Variants in DENND1A observed in about 807,000 individuals in gnomAD.
The protein encoded by DENND1A is DENN domain-containing protein 1A.
A neutral mutation model predicts 113.7 loss-of-function variants in DENND1A; 51 were observed. The ratio of observed to expected loss-of-function variants is 0.45; its 90% CI spans 0.36 to 0.57. The LOEUF (loss-of-function observed/expected upper bound fraction) is 0.57. DENND1A is among the 20% of genes least tolerant of loss of function. DENND1A has a pLI of 0.00. For missense variants in DENND1A, 1,258 were observed against 1,395.9 expected (o/e 0.90, Z 1.57); for synonymous variants, 565 against 570.8 (o/e 0.99, Z 0.14).
At chr9:123,924,483 G>C (rs1856760402) in intron 1 of DENND1A, among the ~76,000 whole-genome samples, 1 of 151,934 alleles carries the variant, frequency 6.6e-6, no homozygotes, top group Non-Finnish European at 1.5e-5. Flanking sequence ...CCAACATGGT[G>C]AAACTAAAAA....
intron 13 of DENND1A, among the ~76,000 whole-genome samples, chr9:123,511,271 A>G (rs912533701): frequency 2.0e-5 from 3 of 152,160 alleles, no homozygotes; most frequent in Non-Finnish European, 2.9e-5. Flanking sequence ...CTGGCATCAG[A>G]AGGGTGGCTT....
At chr9:123,817,364 CG>C (rs899949100) in intron 2 of DENND1A, among the ~76,000 whole-genome samples, 4 of 152,020 alleles carry the variant, frequency 2.6e-5, no homozygotes, top group East Asian at 1.9e-4. Context: ...GTCCACACGC[CG>C]GGGGGTTTAA....
intron 14 of DENND1A, 113 bp downstream of exon 14, chr9:123,457,680 T>C (rs2048230954): frequency 2.9e-6 from 3 of 1,048,612 alleles, no homozygotes; most frequent in African/African-American, 1.6e-5. Flanking sequence ...TGAGCCTCTT[T>C]TGCCTGGGGC....
chr9:123,640,491 C>G lies in DENND1A; in HGVS notation c.619-10015G>C, dbSNP rs62579201. Among the ~76,000 whole-genome samples, 1,362 of 152,324 alleles carry G rather than the reference C, an allele frequency of 8.9e-3. 13 individuals are homozygous for G. Among genetic ancestry groups the G allele is most frequent in the Middle Eastern group, 0.034 (10 of 294 alleles). Reference sequence around the variant, plus strand: ...AATGACTAGGGAGAAGTGGTCCGTACGCAAAACCTCTTGGGAGTTGCCGTG... The same window carrying G: ...AATGACTAGGGAGAAGTGGTCCGTAGGCAAAACCTCTTGGGAGTTGCCGTG... On this transcript the variant is annotated intron_variant, in intron 9 of 23. Coordinates refer to ENST00000394215, the MANE Select transcript of DENND1A (RefSeq NM_001352964.2).
At chr9:123,670,606 A>G (rs926910656) in intron 7 of DENND1A, among the ~76,000 whole-genome samples, 1 of 152,228 alleles carries the variant, frequency 6.6e-6, no homozygotes, top group African/African-American at 2.4e-5. Flanking sequence ...ATAGCAGTAT[A>G]TATTTATAGG....
intron 19 of DENND1A, among the ~76,000 whole-genome samples, chr9:123,426,012 C>A (rs559832559): frequency 6.6e-6 from 1 of 152,196 alleles, no homozygotes; most frequent in East Asian, 1.9e-4. Context: ...GGACTCTGCC[C>A]AGGGCAGGGG....
At chr9:123,518,387 C>A (rs529798845) in intron 13 of DENND1A, among the ~76,000 whole-genome samples, 2 of 152,206 alleles carry the variant, frequency 1.3e-5, no homozygotes. Context: ...GATATTCCCA[C>A]GGAGACAGCA....
At chr9:123,532,973 A>T (rs902492763) in intron 13 of DENND1A, among the ~76,000 whole-genome samples, 4 of 152,234 alleles carry the variant, frequency 2.6e-5, no homozygotes, top group Non-Finnish European at 5.9e-5. Flanking sequence ...TAGCTTCACC[A>T]GGAGTTGGCA....
At chr9:123,701,531 G>A (rs923076374) in intron 5 of DENND1A, among the ~76,000 whole-genome samples, 5 of 152,112 alleles carry the variant, frequency 3.3e-5, no homozygotes, top group African/African-American at 1.2e-4. Context: ...ACTCCAGGCC[G>A]ACACCTGTGA....
At chr9:123,867,283 T>C (rs1402060634) in intron 2 of DENND1A, among the ~76,000 whole-genome samples, 2 of 152,172 alleles carry the variant, frequency 1.3e-5, no homozygotes, top group Non-Finnish European at 2.9e-5. Context: ...ATTTAAAACA[T>C]GAGGTCTAGT....
chr9:123,767,889 C>T (rs186042150), intron 4 of DENND1A, among the ~76,000 whole-genome samples: 19 of 152,274 alleles, frequency 1.2e-4, no homozygotes, highest in Non-Finnish European at 2.4e-4. Flanking sequence ...CTTTATTAAA[C>T]ACCTAACTGC....
intron 22 of DENND1A, among the ~76,000 whole-genome samples, chr9:123,386,909 G>T (rs988804624): frequency 1.3e-5 from 2 of 152,212 alleles, no homozygotes; most frequent in Non-Finnish European, 2.9e-5. Context: ...GGGGACATGA[G>T]GGAGAGGGAG....
chr9:123,419,441 T>C (rs2045042882), intron 19 of DENND1A, among the ~76,000 whole-genome samples: 1 of 152,254 alleles, frequency 6.6e-6, no homozygotes, highest in South Asian at 2.1e-4. Context: ...CCCAGTCAAA[T>C]ACGTGGCCAG....
intron 5 of DENND1A, among the ~76,000 whole-genome samples, chr9:123,716,398 G>A (rs2066978920): frequency 6.6e-6 from 1 of 152,162 alleles, no homozygotes; most frequent in Non-Finnish European, 1.5e-5. Context: ...CTAAAAGAGT[G>A]TTCAAAGCTT....
At chr9:123,704,810 G>A (rs765377989) in intron 5 of DENND1A, among the ~76,000 whole-genome samples, 12 of 152,068 alleles carry the variant, frequency 7.9e-5, no homozygotes, top group Non-Finnish European at 1.3e-4. Flanking sequence ...ATCACAAAAT[G>A]AAAAGATTAG....
At chr9:123,641,640 C>T (rs965825354) in intron 9 of DENND1A, among the ~76,000 whole-genome samples, 3 of 152,198 alleles carry the variant, frequency 2.0e-5, no homozygotes, top group East Asian at 3.9e-4. Flanking sequence ...AAGTGCCAGT[C>T]GGTACGCATA....
In DENND1A at chr9:123,538,855, T is replaced by TAC. The variant is rs1295090060; in HGVS notation, c.993+18714_993+18715insGT. Among the ~76,000 whole-genome samples, 8 of 101,294 alleles carry TAC rather than the reference T, an allele frequency of 7.9e-5. 1 individual carries two copies. Among genetic ancestry groups the TAC allele is most frequent in the African/African-American group, 2.7e-4 (7 of 25,928 alleles). The allele number at this position is 101,294 out of a possible 152,430, so 66.5% of individuals were successfully genotyped here. On this transcript the variant is annotated intron_variant, in intron 13 of 23. Transcript: ENST00000394215. ...ATATATATATATATATATATATATA[T>TAC]ATATGAATTCATACATATTTATGTA...
intron 2 of DENND1A, among the ~76,000 whole-genome samples, chr9:123,854,214 A>G (rs936628706): frequency 6.6e-6 from 1 of 152,212 alleles, no homozygotes. Flanking sequence ...TGGTCTCTCA[A>G]CACAAATGGC....
Position 123,383,860 on chromosome 9 carries a change from G to C in DENND1A, c.1814C>G (p.Ala605Gly). The C allele has an allele frequency of 6.2e-7, 1 of 1,613,424 alleles. No individual in the cohort carries two copies. The highest frequency in any genetic ancestry group is 8.5e-7 in the Non-Finnish European group (1 of 1,180,020). Residue 605 changes from alanine (A) to glycine (G), a missense_variant, in exon 23 of 24, where the codon GCA (alanine) becomes GGA (glycine). Physicochemically the swap from Ala to Gly is moderately conservative, Grantham distance 60. This residue lies in a region of DENND1A where 1,159 missense variants were observed against 1,231.7 expected (regional missense o/e 0.94). Transcript: ENST00000394215. ...CCGCACTTGCTGCTCTGGACTCTCT[G>C]CCTCGTCGCCTTCCGCGCTGTCTGA... is the stretch of plus-strand genomic sequence containing the variant. ...RESDSAEGDE[A>G]ESPEQQVRKS...
Sources: gnomAD v4.1 joint callset for allele counts (sites outside exome capture counted in the v4.1 genomes callset) on GRCh38, gnomAD v4.1.1 for gene constraint, gnomAD v4.1.1 regional missense constraint, MANE v1.5 for transcripts, NCBI Gene and HGNC (gene_info 2026-07-23, HGNC 2026-07-21) for gene names.